Variants in SLCO3A1 observed in about 807,000 individuals in gnomAD.
SLCO3A1 encodes the protein PGE1 transporter.
A neutral mutation model predicts 63.1 loss-of-function variants in SLCO3A1; 27 were observed. That is an observed-to-expected ratio of 0.43 (90% confidence interval 0.32 to 0.59). The LOEUF is 0.59. SLCO3A1 is among the 20% of genes least tolerant of loss of function. The probability of loss-of-function intolerance (pLI) is 0.09; values close to 1 mark genes in which losing one functional copy is unlikely to be tolerated. For missense variants in SLCO3A1, 773 were observed against 945.8 expected (o/e 0.82, Z 2.40); for synonymous variants, 473 against 409.9 (o/e 1.15, Z -1.86).
intron 1 of SLCO3A1, among the ~76,000 whole-genome samples, chr15:91,881,016 T>C (rs1322723573): frequency 6.6e-6 from 1 of 152,154 alleles, no homozygotes; most frequent in Non-Finnish European, 1.5e-5. Flanking sequence ...CCTTTCAAAA[T>C]GGGGCTCAGG....
rs375100234 is a variant in SLCO3A1, at chr15:91,883,771, C to A, written c.180+29683C>A. Reference sequence around the variant, plus strand: ...AGTGTGTTTGTAATATCCTACTTACCGATAGTAGTGTAGCATCCTGATAGT... The same window carrying A: ...AGTGTGTTTGTAATATCCTACTTACAGATAGTAGTGTAGCATCCTGATAGT... On this transcript the variant is annotated intron_variant, in intron 1 of 9. Transcript: ENST00000318445. This position sits in a 1 kb window ranked among gnomAD's most constrained non-coding sequence, Gnocchi z 4.8. Among the ~76,000 whole-genome samples the A allele has an allele frequency of 5.3e-5, 8 of 152,090 alleles. No homozygotes were observed. Among genetic ancestry groups the A allele is most frequent in the Non-Finnish European group, 1.2e-4 (8 of 68,032 alleles).
Position 92,162,962 on chromosome 15 carries a change from C to G in SLCO3A1, c.1960C>G (p.Arg654Gly), listed in dbSNP as rs200441873. The change falls in exon 10 of 10, where the codon CGC becomes GGC. Residue 654 changes from arginine (R) to glycine (G), a missense_variant. Transcript: ENST00000318445. Reference sequence around the variant, plus strand: ...GCAGTGCCTGAGGAAAAACTATAAACGCTACATCAAAAACCACGAGGGCGG... The same window carrying G: ...GCAGTGCCTGAGGAAAAACTATAAAGGCTACATCAAAAACCACGAGGGCGG... ...TWQCLRKNYK[R>G]YIKNHEGGLS... 12 of 1,614,048 alleles carry G rather than the reference C, an allele frequency of 7.4e-6. No individual in the cohort carries two copies. The African/African-American group carries it at 1.1e-4, about 14-fold the overall frequency.
intron 7 of SLCO3A1, among the ~76,000 whole-genome samples, chr15:92,145,548 C>T (rs959287006): frequency 2.0e-5 from 3 of 152,170 alleles, no homozygotes; most frequent in African/African-American, 4.8e-5. Context: ...TAGGGTGGAG[C>T]GACCCTTGAA....
At chr15:91,917,840 G>A (rs1898714336) in intron 2 of SLCO3A1, among the ~76,000 whole-genome samples, 1 of 152,180 alleles carries the variant, frequency 6.6e-6, no homozygotes, top group African/African-American at 2.4e-5. Context: ...TAGCCACAAA[G>A]GTCTCCTGAG....
chr15:92,006,251 T>G (rs1046617637), intron 2 of SLCO3A1, among the ~76,000 whole-genome samples: 1 of 152,198 alleles, frequency 6.6e-6, no homozygotes, highest in Non-Finnish European at 1.5e-5. Flanking sequence ...GAGCAGGGCC[T>G]GTTCGCCATC....
intron 1 of SLCO3A1, among the ~76,000 whole-genome samples, chr15:91,878,767 A>T (rs988216763): frequency 2.0e-5 from 3 of 152,204 alleles, no homozygotes; most frequent in Non-Finnish European, 4.4e-5. Context: ...ACAATGAAAT[A>T]CTTATAGTAA....
At chr15:91,996,976 TAAAAG>T (rs949329907) in intron 2 of SLCO3A1, among the ~76,000 whole-genome samples, 9 of 152,170 alleles carry the variant, frequency 5.9e-5, no homozygotes, top group Non-Finnish European at 1.3e-4. Context: ...TAAACTAAGT[TAAAAG>T]ACAAGAGAGG....
rs1230204019 is a variant in SLCO3A1 at position 91,863,286 on chromosome 15, G to T, written c.180+9198G>T. The stretch of plus-strand genomic sequence containing the variant: ...TGGAACTCAGCTGGCTGTGCTGTCA[G>T]CACCAGCTCCCCTTCTCTCCAGGGG... On this transcript the variant is annotated intron_variant, in intron 1 of 9. Coordinates refer to ENST00000318445, the MANE Select transcript of SLCO3A1 (RefSeq NM_013272.4). The surrounding 1 kb of genome is among the most constrained non-coding windows in gnomAD (Gnocchi z 4.3). Among the ~76,000 whole-genome samples the T allele has an allele frequency of 6.6e-6, 1 of 152,230 alleles. No homozygotes were observed.
chr15:91,909,529 T>C (rs746700258), intron 1 of SLCO3A1, among the ~76,000 whole-genome samples: 13 of 152,132 alleles, frequency 8.5e-5, no homozygotes, highest in Middle Eastern at 3.2e-3. Flanking sequence ...TCCTGCACTG[T>C]TTTTAGCATC....
exon 11 of SLCO3A1, chr15:92,171,829 T>G: frequency 6.4e-7 from 1 of 1,551,626 alleles, no homozygotes; most frequent in Non-Finnish European, 8.7e-7. Flanking sequence ...CCGAATCACA[T>G]TCACCTTCAG....
At chr15:91,898,599 A>G (rs551871093) in intron 1 of SLCO3A1, among the ~76,000 whole-genome samples, 99 of 152,246 alleles carry the variant, frequency 6.5e-4, no homozygotes, top group Non-Finnish European at 1.1e-3. Context: ...TCGATCCGCA[A>G]GATACTAACA....
intron 2 of SLCO3A1, among the ~76,000 whole-genome samples, chr15:91,936,320 A>G (rs752441145): frequency 5.9e-5 from 9 of 152,272 alleles, no homozygotes; most frequent in Non-Finnish European, 1.2e-4. Context: ...TGCACTGTCC[A>G]ATATGGCATC....
chr15:91,910,412 T>A (rs1374619966), intron 1 of SLCO3A1, among the ~76,000 whole-genome samples: 1 of 152,210 alleles, frequency 6.6e-6, no homozygotes, highest in Non-Finnish European at 1.5e-5. Flanking sequence ...TTAATCATGG[T>A]TATGTTTCTT....
intron 1 of SLCO3A1, among the ~76,000 whole-genome samples, chr15:91,893,754 C>T (rs888839963): frequency 6.6e-5 from 10 of 152,144 alleles, no homozygotes; most frequent in Admixed American, 1.3e-4. Flanking sequence ...ACTTTTAGGC[C>T]GGTACTTTTT....
intron 2 of SLCO3A1, among the ~76,000 whole-genome samples, chr15:92,083,580 AGT>A (rs2047371915): frequency 6.6e-6 from 1 of 152,228 alleles, no homozygotes; most frequent in Admixed American, 6.5e-5. Flanking sequence ...ATTCTTCAGA[AGT>A]ATGTTCTTCA....
intron 2 of SLCO3A1, among the ~76,000 whole-genome samples, chr15:92,084,239 A>G (rs868699273): frequency 6.6e-6 from 1 of 152,318 alleles, no homozygotes; most frequent in East Asian, 1.9e-4. Flanking sequence ...AGCAGAGTTT[A>G]CCTAAGTGAT....
Position 92,053,684 on chromosome 15 carries a change from G to GTTTT in SLCO3A1, c.647-41194_647-41193insTTTT, listed in dbSNP as rs1567092399. ...TTGTGATTTTATGTTTTGTTTTTTTGTTTGTTTGTTTGTTTTTTTTTTTTT... is the reference window on the plus strand; with the variant it reads ...TTGTGATTTTATGTTTTGTTTTTTTGTTTTTTTGTTTGTTTGTTTTTTTTTTTTT... On this transcript the variant is annotated intron_variant, in intron 2 of 9. Coordinates refer to ENST00000318445, the MANE Select transcript of SLCO3A1 (RefSeq NM_013272.4). Among the ~76,000 whole-genome samples, 21 of 14,846 alleles carry GTTTT rather than the reference G, an allele frequency of 1.4e-3. 1 individual carries two copies. Among genetic ancestry groups the GTTTT allele is most frequent in the Admixed American group, 3.3e-3 (2 of 602 alleles). The allele number at this position is 14,846 out of a possible 152,430, so 9.7% of individuals were successfully genotyped here.
chr15:91,947,465 C>T (rs1215325297), intron 2 of SLCO3A1, among the ~76,000 whole-genome samples: 2 of 152,160 alleles, frequency 1.3e-5, no homozygotes, highest in African/African-American at 4.8e-5. Context: ...AGCTATACTC[C>T]TTCTTCCCTT....
chr15:92,086,828 T>G (rs1408568637), intron 2 of SLCO3A1, among the ~76,000 whole-genome samples: 1 of 151,840 alleles, frequency 6.6e-6, no homozygotes, highest in East Asian at 1.9e-4. Flanking sequence ...ATACAAAAAT[T>G]AGCCAGGCAT....
Sources: gnomAD v4.1 joint callset for allele counts (sites outside exome capture counted in the v4.1 genomes callset) on GRCh38, gnomAD v4.1.1 for gene constraint, Gnocchi (gnomAD v3.1) non-coding constraint, MANE v1.5 for transcripts, NCBI Gene and HGNC (gene_info 2026-07-23, HGNC 2026-07-21) for gene names.